Variants in RFWD3 observed in about 807,000 individuals in gnomAD.
RFWD3 encodes E3 ubiquitin-protein ligase RFWD3.
Under a neutral mutation model 87.7 loss-of-function variants are expected in RFWD3, and 65 were observed. The observed-to-expected ratio is 0.74, with a 90% CI of 0.61 to 0.91. The LOEUF (loss-of-function observed/expected upper bound fraction) is 0.91, where lower values mean the gene tolerates loss of function less well. Among genes scored for constraint, RFWD3 ranks in the 40% least tolerant of loss-of-function variants. The pLI, the probability that RFWD3 is intolerant of heterozygous loss-of-function variation, is 0.00. For missense variants in RFWD3, 1,078 were observed against 938.5 expected (o/e 1.15, Z -1.94); for synonymous variants, 433 against 352.8 (o/e 1.23, Z -2.55).
Position 74,661,467 on chromosome 16 carries a change from T to C in RFWD3, c.-2-16A>G, listed in dbSNP as rs758425563. 29 of 1,567,992 alleles carry C rather than the reference T, an allele frequency of 1.8e-5. No individual in the cohort carries two copies. The highest frequency in any genetic ancestry group is 2.4e-5 in the Non-Finnish European group (28 of 1,159,674). On this transcript the variant is annotated splice_polypyrimidine_tract_variant and intron_variant, in intron 1 of 12. Transcript: ENST00000361070. Reference sequence around the variant, plus strand: ...TGAGCCATCACTAGAGAAACAGTATTTGTAAAAAGTATTAATAAAATAGAT... The same window carrying C: ...TGAGCCATCACTAGAGAAACAGTATCTGTAAAAAGTATTAATAAAATAGAT...
At chr16:74,633,063 G>T (rs981707753) in intron 8 of RFWD3, among the ~76,000 whole-genome samples, 1 of 152,040 alleles carries the variant, frequency 6.6e-6, no homozygotes, top group Non-Finnish European at 1.5e-5. Flanking sequence ...GATTACCTGA[G>T]GTCAGGAGTT....
intron 2 of RFWD3, among the ~76,000 whole-genome samples, chr16:74,652,440 T>C (rs1037624007): frequency 2.0e-5 from 3 of 152,094 alleles, no homozygotes; most frequent in Admixed American, 2.0e-4. Context: ...ATGCTGGTAT[T>C]AGGTGGCTGA....
intron 4 of RFWD3, 79 bp downstream of exon 4, chr16:74,649,053 G>T: frequency 1.1e-6 from 1 of 906,316 alleles, no homozygotes; most frequent in Non-Finnish European, 1.6e-6. Flanking sequence ...CTGCACTCTA[G>T]CCTGGGTGAG....
At chr16:74,625,687 C>T (rs1019198622) in intron 12 of RFWD3, among the ~76,000 whole-genome samples, 11 of 152,180 alleles carry the variant, frequency 7.2e-5, no homozygotes, top group East Asian at 1.9e-4. Flanking sequence ...CCTCTATTCC[C>T]TGCAACTCCA....
At chr16:74,643,682 T>G (rs865897604) in intron 6 of RFWD3, among the ~76,000 whole-genome samples, 1 of 114,932 alleles carries the variant, frequency 8.7e-6, no homozygotes, top group Non-Finnish European at 2.0e-5. Context: ...TTTTTTTTTT[T>G]TTTTTTTTTT....
chr16:74,638,981 A>T (rs1484233314), intron 6 of RFWD3, among the ~76,000 whole-genome samples: 1 of 151,938 alleles, frequency 6.6e-6, no homozygotes, highest in Non-Finnish European at 1.5e-5. Context: ...AGGCAATGGT[A>T]CTATAATGGT....
At chr16:74,640,815 T>G (rs1959575126) in intron 6 of RFWD3, among the ~76,000 whole-genome samples, 1 of 151,958 alleles carries the variant, frequency 6.6e-6, no homozygotes. Context: ...GGCGGGTGCC[T>G]GTAGTCTCAG....
intron 7 of RFWD3, among the ~76,000 whole-genome samples, chr16:74,637,466 A>G (rs1470160001): frequency 2.0e-5 from 3 of 152,060 alleles, no homozygotes; most frequent in Non-Finnish European, 4.4e-5. Flanking sequence ...GTCTCTACTA[A>G]AAGTACAAAA....
At chr16:74,645,459 G>T (rs373320915) in intron 4 of RFWD3, among the ~76,000 whole-genome samples, 10 of 152,144 alleles carry the variant, frequency 6.6e-5, no homozygotes, top group East Asian at 5.8e-4. Flanking sequence ...AAACCTAGAC[G>T]GTGTAAACTA....
intron 10 of RFWD3, among the ~76,000 whole-genome samples, chr16:74,628,952 T>C (rs1421508098): frequency 1.3e-5 from 2 of 152,156 alleles, no homozygotes. Flanking sequence ...ACTATGAAGC[T>C]TGACTGATGT....
At position 74,632,639 on chromosome 16, in the gene RFWD3, C is replaced by G; in HGVS notation, c.1461G>C (p.Met487Ile). The G allele has an allele frequency of 6.2e-7, 1 of 1,614,102 alleles. No individual in the cohort carries two copies. Among genetic ancestry groups the G allele is most frequent in the Non-Finnish European group, 8.5e-7 (1 of 1,179,978 alleles). ...GCATCGGAATGTACTGACTGCTCTT[C>G]ATGTTGGCAGTACTCAACATCTTAA... ...FGVKMLSTANMKSSQYIPMHG... is the reference protein window; with the variant it reads ...FGVKMLSTANIKSSQYIPMHG... The change falls in exon 9 of 13, where the codon ATG becomes ATC. Residue 487 changes from methionine to isoleucine, a missense_variant. Coordinates refer to ENST00000361070, the MANE Select transcript of RFWD3 (RefSeq NM_018124.4).
intron 1 of RFWD3, among the ~76,000 whole-genome samples, chr16:74,664,951 A>G (rs1352546845): frequency 6.6e-6 from 1 of 152,198 alleles, no homozygotes; most frequent in Non-Finnish European, 1.5e-5. Context: ...GGAGGTGCCT[A>G]GAACGAGAGA....
Position 74,644,687 on chromosome 16 carries a change from C to T in RFWD3, c.841G>A (p.Glu281Lys), listed in dbSNP as rs777484856. The change falls in exon 5 of 13, where the codon GAG (glutamate) becomes AAG (lysine). Residue 281 changes from glutamate (E) to lysine (K), a missense_variant. Coordinates refer to ENST00000361070, the MANE Select transcript of RFWD3 (RefSeq NM_018124.4). ...EPLLPSASMDEEEGDTCTICL... is the reference protein window; with the variant it reads ...EPLLPSASMDKEEGDTCTICL... The stretch of plus-strand genomic sequence containing the variant: ...ATTGTACAAGTGTCCCCTTCTTCCT[C>T]ATCCATAGAAGCAGAAGGTAGCAGA... The T allele has an allele frequency of 6.2e-7, 1 of 1,614,198 alleles. No homozygotes were observed. Among genetic ancestry groups the T allele is most frequent in the South Asian group, 1.1e-5 (1 of 91,090 alleles).
intron 4 of RFWD3, among the ~76,000 whole-genome samples, chr16:74,646,515 C>T (rs1741034343): frequency 6.6e-6 from 1 of 151,960 alleles, no homozygotes; most frequent in South Asian, 2.1e-4. Context: ...TCGCTGGGCG[C>T]AGTGGCTCAC....
At chr16:74,642,991 G>A (rs193081005) in intron 6 of RFWD3, among the ~76,000 whole-genome samples, 115 of 152,214 alleles carry the variant, frequency 7.6e-4, no homozygotes, top group African/African-American at 2.6e-3. Flanking sequence ...ACAGCCACAC[G>A]TATAGATTTT....
chr16:74,623,977 T>C lies in RFWD3; in HGVS notation c.2276A>G (p.Tyr759Cys), dbSNP rs754138211. 9.9e-6 allele frequency: 16 copies of C among 1,614,046 alleles called. No homozygotes were observed. The highest frequency in any genetic ancestry group is 4.0e-5 in the African/African-American group (3 of 74,922). ...ICPFEVNRNS[Y>C]LATLTEKMVH... is the part of the protein sequence containing the mutation. Reference sequence around the variant, plus strand: ...CATCTTCTCTGTTAAGGTAGCCAAGTAGCTGTTACGGTTCACCTCAAATGG... The same window carrying C: ...CATCTTCTCTGTTAAGGTAGCCAAGCAGCTGTTACGGTTCACCTCAAATGG... Residue 759 changes from tyrosine (Y) to cysteine (C), a missense_variant, in exon 13 of 13, where the codon TAC becomes TGC. Tyr to Cys is a radical substitution (Grantham distance 194). Coordinates refer to ENST00000361070, the MANE Select transcript of RFWD3 (RefSeq NM_018124.4).
intron 3 of RFWD3, among the ~76,000 whole-genome samples, chr16:74,649,586 A>T (rs1480658250): frequency 6.6e-6 from 1 of 152,168 alleles, no homozygotes; most frequent in Admixed American, 6.6e-5. Flanking sequence ...CAACACTGAT[A>T]AGAATTCTTT....
intron 3 of RFWD3, 155 bp from the exon 4 acceptor site, chr16:74,649,357 C>G (rs1960405716): frequency 2.0e-6 from 1 of 507,334 alleles, no homozygotes; most frequent in Non-Finnish European, 3.5e-6. Context: ...CCCCAGGTAC[C>G]ATCAGTGAAT....
intron 2 of RFWD3, among the ~76,000 whole-genome samples, chr16:74,654,701 T>A (rs1254445720): frequency 6.6e-6 from 1 of 152,150 alleles, no homozygotes; most frequent in Non-Finnish European, 1.5e-5. Context: ...GCCAGGCCTT[T>A]TGCACCAAAC....
Sources: allele counts gnomAD v4.1 joint callset (sites outside exome capture counted in the v4.1 genomes callset), GRCh38; gene constraint gnomAD v4.1.1; transcripts MANE v1.5; gene names NCBI Gene and HGNC (gene_info 2026-07-23, HGNC 2026-07-21).